Variants in B3GAT2 observed in about 807,000 individuals in gnomAD.
B3GAT2 encodes beta-1,3-glucuronyltransferase 2, also known as galactosylgalactosylxylosylprotein 3-beta-glucuronosyltransferase 2.
B3GAT2 carries 26 observed loss-of-function variants against 27.8 expected under a neutral mutation model. The ratio of observed to expected loss-of-function variants is 0.93; its 90% CI spans 0.68 to 1.30. B3GAT2 has a LOEUF of 1.30. Ranked by LOEUF, B3GAT2 falls within the 50% of genes most tolerant of loss-of-function variation. The pLI is 0.00. For missense variants in B3GAT2, 458 were observed against 459.0 expected, an observed-to-expected ratio of 1.00 and a Z score of 0.02; for synonymous variants, 218 against 195.1, an observed-to-expected ratio of 1.12 and a Z score of -0.98.
rs909161562 is a variant in B3GAT2 at position 70,859,560 on chromosome 6, C to A, written c.*2103G>T. On this transcript the variant is annotated 3_prime_UTR_variant, in exon 4 of 4. Coordinates refer to ENST00000230053, the MANE Select transcript of B3GAT2 (RefSeq NM_080742.3). ...TAACTCTGAGTGTAAGTTTTAAACC[C>A]ACTCACTATATGGTAAATCTTGCCT... The A allele has an allele frequency of 5.5e-5, 29 of 531,756 alleles. No individual in the cohort carries two copies. The Admixed American group carries it at 1.0e-3, about 19-fold the overall frequency. 32.9% of individuals were successfully genotyped at this position (531,756 alleles called of 1,614,324 possible).
At chr6:70,905,593 T>A (rs1237750785) in intron 1 of B3GAT2, among the ~76,000 whole-genome samples, 1 of 152,130 alleles carries the variant, frequency 6.6e-6, no homozygotes, top group East Asian at 1.9e-4. Flanking sequence ...GTTTCAAGGG[T>A]CCCGAGTTCT....
At chr6:70,921,855 G>A (rs536860801) in intron 1 of B3GAT2, among the ~76,000 whole-genome samples, 73 of 152,204 alleles carry the variant, frequency 4.8e-4, no homozygotes, top group African/African-American at 1.7e-3. Flanking sequence ...ATGCTTTCAG[G>A]GCACCAAGGC....
At chr6:70,862,531 A>G (rs1243601350) in intron 2 of B3GAT2, among the ~76,000 whole-genome samples, 1 of 152,170 alleles carries the variant, frequency 6.6e-6, no homozygotes, top group Non-Finnish European at 1.5e-5. Flanking sequence ...TCTGGTTTAT[A>G]TTTCTAATTT....
At position 70,861,747 on chromosome 6, in the gene B3GAT2, A is replaced by T. The variant is rs1243231584; in HGVS notation, c.888T>A (p.Val296=). The change falls in exon 4 of 4, where the codon GTT becomes GTA. Residue 296 remains valine, a splice_region_variant and synonymous_variant. Transcript: ENST00000230053. ...LEPKANNCTK[V]LVWHTRTEKV... is the part of the protein sequence containing the mutation. ...TCTCTGTCCGAGTGTGCCACACGAG[A>T]ACCTGAAGGGGAAGGAAATAGCTTG... is the stretch of plus-strand genomic sequence containing the variant. The T allele has an allele frequency of 6.8e-6, 11 of 1,613,994 alleles. No homozygotes were observed. In the South Asian group the frequency reaches 1.1e-4, roughly 16 times the overall value.
In B3GAT2 at chr6:70,856,868, T is replaced by A; in HGVS notation, c.*4795A>T. 6.2e-7 allele frequency: 1 copy of A among 1,612,194 alleles called. No individual in the cohort carries two copies. Among genetic ancestry groups the A allele is most frequent in the Non-Finnish European group, 8.5e-7 (1 of 1,178,892 alleles). On this transcript the variant is annotated 3_prime_UTR_variant, in exon 4 of 4. Transcript: ENST00000230053. ...TTGGTGTTTGTCTCAGGGGACACCCTCTGCACCAGCAGCTGCAACCCTGTC... is the reference window on the plus strand; with the variant it reads ...TTGGTGTTTGTCTCAGGGGACACCCACTGCACCAGCAGCTGCAACCCTGTC...
intron 2 of B3GAT2, among the ~76,000 whole-genome samples, chr6:70,888,867 T>C (rs1170555599): frequency 1.3e-5 from 2 of 152,196 alleles, no homozygotes; most frequent in Non-Finnish European, 2.9e-5. Flanking sequence ...AGATGTCACC[T>C]CTTCCCAAGA....
At chr6:70,950,131 C>G (rs1263074978) in intron 1 of B3GAT2, among the ~76,000 whole-genome samples, 3 of 151,542 alleles carry the variant, frequency 2.0e-5, no homozygotes, top group African/African-American at 4.9e-5. Context: ...GTGCAGCACA[C>G]CAGCATGGCA....
At chr6:70,878,193 TA>T (rs901646361) in intron 2 of B3GAT2, among the ~76,000 whole-genome samples, 1 of 152,244 alleles carries the variant, frequency 6.6e-6, no homozygotes, top group African/African-American at 2.4e-5. Context: ...TCAAGTTTTT[TA>T]TATATTCCAT....
Position 70,861,558 on chromosome 6 carries a change from T to TGAA in B3GAT2, c.*102_*104dup. 9.9e-7 allele frequency: 1 copy of TGAA among 1,011,974 alleles called. No homozygotes were observed. Among genetic ancestry groups the TGAA allele is most frequent in the South Asian group, 1.5e-5 (1 of 65,340 alleles). The allele number at this position is 1,011,974 out of a possible 1,614,324, so 62.7% of individuals were successfully genotyped here. On this transcript the variant is annotated 3_prime_UTR_variant, in exon 4 of 4. Transcript: ENST00000230053. ...CAGATGACAAGAAAGGCTGCTGTACTGAAGTAAAACAAACAATACCTGAAT... is the reference window on the plus strand; with the variant it reads ...CAGATGACAAGAAAGGCTGCTGTACTGAAGAAGTAAAACAAACAATACCTGAAT...
chr6:70,955,341 A>G (rs1288454222), intron 1 of B3GAT2, among the ~76,000 whole-genome samples: 1 of 151,988 alleles, frequency 6.6e-6, no homozygotes, highest in African/African-American at 2.4e-5. Flanking sequence ...CTTTCTCCCT[A>G]TATGGTCCTA....
At chr6:70,879,721 G>A (rs942426037) in intron 2 of B3GAT2, among the ~76,000 whole-genome samples, 1 of 152,066 alleles carries the variant, frequency 6.6e-6, no homozygotes, top group African/African-American at 2.4e-5. Flanking sequence ...CCTCCAGGGT[G>A]GACCAAGGAT....
intron 1 of B3GAT2, among the ~76,000 whole-genome samples, chr6:70,924,651 A>G (rs182337233): frequency 5.4e-4 from 82 of 152,312 alleles, no homozygotes; most frequent in African/African-American, 1.9e-3. Flanking sequence ...ATGACAGTGA[A>G]GGAGATCTGA....
At chr6:70,947,556 C>A (rs929781871) in intron 1 of B3GAT2, among the ~76,000 whole-genome samples, 2 of 151,824 alleles carry the variant, frequency 1.3e-5, no homozygotes, top group African/African-American at 4.8e-5. Context: ...CTGAATAGAC[C>A]AATAACAGGC....
At chr6:70,896,630 G>T (rs1000673197) in intron 1 of B3GAT2, among the ~76,000 whole-genome samples, 2 of 152,148 alleles carry the variant, frequency 1.3e-5, no homozygotes, top group Non-Finnish European at 2.9e-5. Flanking sequence ...TTGTATGAAT[G>T]TAATAATTCA....
intron 2 of B3GAT2, among the ~76,000 whole-genome samples, chr6:70,887,040 T>A (rs1175836928): frequency 1.3e-5 from 2 of 152,202 alleles, no homozygotes; most frequent in African/African-American, 4.8e-5. Flanking sequence ...CTGAGAAGAT[T>A]CAGTAACTTT....
Position 70,859,241 on chromosome 6 carries a change from T to G in B3GAT2, c.*2422A>C. 1 of 854,662 alleles carries G rather than the reference T, an allele frequency of 1.2e-6. No individual in the cohort carries two copies. 52.9% of individuals were successfully genotyped at this position (854,662 alleles called of 1,614,324 possible). ...AAAAATTGTATGTGCTAAGTGTCAG[T>G]CACATGGTCAACATGCTGAAGCACA... On this transcript the variant is annotated 3_prime_UTR_variant, in exon 4 of 4. Coordinates refer to ENST00000230053, the MANE Select transcript of B3GAT2 (RefSeq NM_080742.3).
At chr6:70,880,826 C>A (rs961708231) in intron 2 of B3GAT2, among the ~76,000 whole-genome samples, 3 of 151,982 alleles carry the variant, frequency 2.0e-5, no homozygotes, top group African/African-American at 7.2e-5. Context: ...CCACCATGCC[C>A]AGCCAATTTT....
At chr6:70,931,191 G>C (rs1400691754) in intron 1 of B3GAT2, among the ~76,000 whole-genome samples, 3 of 152,074 alleles carry the variant, frequency 2.0e-5, no homozygotes, top group Admixed American at 6.6e-5. Context: ...TAGTGGGTTG[G>C]GGGGAGGGGG....
At chr6:70,925,135 T>G (rs1029401298) in intron 1 of B3GAT2, among the ~76,000 whole-genome samples, 1 of 152,002 alleles carries the variant, frequency 6.6e-6, no homozygotes, top group Non-Finnish European at 1.5e-5. Context: ...TTGTCATCTC[T>G]CTCCCTGCCA....
Sources: gnomAD v4.1 joint callset for allele counts (sites outside exome capture counted in the v4.1 genomes callset) on GRCh38, gnomAD v4.1.1 for gene constraint, MANE v1.5 for transcripts, NCBI Gene and HGNC (gene_info 2026-07-23, HGNC 2026-07-21) for gene names.